The following KCNIP1 variants were observed in gnomAD, a reference collection of about 807,000 sequenced individuals.
The protein encoded by KCNIP1 is A-type potassium channel modulatory protein KCNIP1.
Under a neutral mutation model 33.0 loss-of-function variants are expected in KCNIP1, and 18 were observed. The observed-to-expected ratio is 0.55, with a 90% CI of 0.38 to 0.81. The LOEUF is 0.81. KCNIP1 is among the 30% of genes least tolerant of loss of function. The probability of loss-of-function intolerance (pLI) is 0.00; values close to 1 mark genes in which losing one functional copy is unlikely to be tolerated. For missense variants in KCNIP1, 238 were observed against 271.6 expected, an observed-to-expected ratio of 0.88 and a Z score of 0.87; for synonymous variants, 93 against 98.3, an observed-to-expected ratio of 0.95 and a Z score of 0.32.
intron 1 of KCNIP1, among the ~76,000 whole-genome samples, chr5:170,624,371 A>G (rs1371300082): frequency 3.9e-5 from 6 of 152,090 alleles, no homozygotes; most frequent in African/African-American, 1.4e-4. Flanking sequence ...ATGAATTAAC[A>G]ACTAAGTGAA....
chr5:170,363,641 G>A (rs986560938), intron 1 of KCNIP1, among the ~76,000 whole-genome samples: 15 of 151,974 alleles, frequency 9.9e-5, no homozygotes, highest in African/African-American at 3.6e-4. Flanking sequence ...AGCCCAAGCA[G>A]ACTAATACAG....
chr5:170,696,016 C>CAA lies in KCNIP1; in HGVS notation c.62-22727_62-22726dup, dbSNP rs34474795. 4.2e-4 allele frequency among the ~76,000 whole-genome samples: 39 copies of CAA among 93,922 alleles called. 1 individual carries two copies. The highest frequency in any genetic ancestry group is 7.7e-4 in the South Asian group (2 of 2,602). 61.6% of individuals were successfully genotyped at this position (93,922 alleles called of 152,430 possible). On this transcript the variant is annotated intron_variant, in intron 1 of 7. Coordinates refer to ENST00000328939, the MANE Select transcript of KCNIP1 (RefSeq NM_014592.4). ...CCTGGGACAGAGCAAGACTCTGTCT[C>CAA]AAAAAAAAAAAAAAAAGCCAGGCTT...
intron 1 of KCNIP1, among the ~76,000 whole-genome samples, chr5:170,574,331 A>G (rs1361952986): frequency 6.6e-6 from 1 of 152,262 alleles, no homozygotes; most frequent in African/African-American, 2.4e-5. Flanking sequence ...CACTTGTAAC[A>G]CTAAGCATTA....
intron 1 of KCNIP1, among the ~76,000 whole-genome samples, chr5:170,717,769 A>G (rs1428014179): frequency 6.6e-6 from 1 of 152,210 alleles, no homozygotes; most frequent in Non-Finnish European, 1.5e-5. Context: ...TGGTCTGTGC[A>G]TATTCCCAGC....
At chr5:170,530,154 G>A (rs1755734153) in intron 1 of KCNIP1, among the ~76,000 whole-genome samples, 1 of 152,122 alleles carries the variant, frequency 6.6e-6, no homozygotes, top group African/African-American at 2.4e-5. Context: ...ACACTGCCTG[G>A]CACAGAGTAG....
intron 1 of KCNIP1, among the ~76,000 whole-genome samples, chr5:170,606,129 G>T (rs1209227592): frequency 3.9e-5 from 6 of 152,180 alleles, no homozygotes; most frequent in African/African-American, 1.4e-4. Flanking sequence ...ATACCACACG[G>T]TTTTGTTTAT....
intron 1 of KCNIP1, among the ~76,000 whole-genome samples, chr5:170,550,896 G>C (rs182782866): frequency 2.0e-5 from 3 of 152,308 alleles, no homozygotes; most frequent in African/African-American, 7.2e-5. Flanking sequence ...AGAACTGTGA[G>C]TCTACTTCAT....
intron 1 of KCNIP1, among the ~76,000 whole-genome samples, chr5:170,466,358 G>C (rs536071699): frequency 6.6e-6 from 1 of 152,202 alleles, no homozygotes; most frequent in Non-Finnish European, 1.5e-5. Flanking sequence ...ATGTGGATAC[G>C]TAGGTTTGGG....
At chr5:170,407,934 A>G (rs1755079398) in intron 1 of KCNIP1, among the ~76,000 whole-genome samples, 2 of 152,238 alleles carry the variant, frequency 1.3e-5, no homozygotes, top group Admixed American at 1.3e-4. Flanking sequence ...CTCAAAAAGC[A>G]TGGGCTTTGT....
At chr5:170,584,681 A>G (rs73801074) in intron 1 of KCNIP1, among the ~76,000 whole-genome samples, 25,523 of 151,890 alleles carry the variant, frequency 0.17, 2,303 homozygotes, top group African/African-American at 0.25. Flanking sequence ...TGGAGGGACA[A>G]CTCCGGGGAC....
chr5:170,397,046 A>C (rs911937304), intron 1 of KCNIP1, among the ~76,000 whole-genome samples: 1 of 152,252 alleles, frequency 6.6e-6, no homozygotes, highest in Non-Finnish European at 1.5e-5. Context: ...TTATTACTAC[A>C]AAGAGTCTGT....
chr5:170,720,491 A>T, intron 3 of KCNIP1, 101 bp downstream of exon 3: 1 of 921,384 alleles, frequency 1.1e-6, no homozygotes. Flanking sequence ...TTCCTTCTCG[A>T]GGAAGAGACA....
Position 170,571,187 on chromosome 5 carries a change from C to A in KCNIP1, c.61+66554C>A, listed in dbSNP as rs576975010. On this transcript the variant is annotated intron_variant, in intron 1 of 7. Coordinates refer to ENST00000328939, the MANE Select transcript of KCNIP1 (RefSeq NM_014592.4). ...TCACTCACTTTCCTCCCTCTTCCCC[C>A]ACATTGTCTTTTGGACTCTGGTTGA... Among the ~76,000 whole-genome samples, 199 of 152,358 alleles carry A rather than the reference C, an allele frequency of 1.3e-3. 1 individual carries two copies. The highest frequency in any genetic ancestry group is 4.7e-3 in the African/African-American group (196 of 41,586).
At chr5:170,693,632 C>A (rs1349358061) in intron 1 of KCNIP1, among the ~76,000 whole-genome samples, 1 of 152,232 alleles carries the variant, frequency 6.6e-6, no homozygotes, top group Non-Finnish European at 1.5e-5. Flanking sequence ...ACGGAAGACC[C>A]TCCATCAACA....
chr5:170,504,188 CG>C lies in KCNIP1; in HGVS notation c.-383del. On this transcript the variant is annotated 5_prime_UTR_variant, in exon 1 of 8. An upstream open reading frame in the 5' UTR loses its in-frame stop. Coordinates refer to ENST00000328939, the MANE Select transcript of KCNIP1 (RefSeq NM_014592.4). The surrounding 1 kb of genome is among the most constrained non-coding windows in gnomAD (Gnocchi z 6.0). Reference sequence around the variant, plus strand: ...GTGTGCGGCAGGAGGGGCGGGCGGACGGCGGCTCCCGCACCGCACGCGGCGC... The same window carrying C: ...GTGTGCGGCAGGAGGGGCGGGCGGACGCGGCTCCCGCACCGCACGCGGCGC... 1 of 1,021,152 alleles carries C rather than the reference CG, an allele frequency of 9.8e-7. No individual in the cohort carries two copies. The highest frequency in any genetic ancestry group is 1.2e-6 in the Non-Finnish European group (1 of 854,124). 63.3% of individuals were successfully genotyped at this position (1,021,152 alleles called of 1,614,324 possible).
At chr5:170,433,218 G>A (rs935639902) in intron 1 of KCNIP1, among the ~76,000 whole-genome samples, 8 of 151,972 alleles carry the variant, frequency 5.3e-5, no homozygotes, top group South Asian at 2.1e-4. Context: ...ATGGAGTCTC[G>A]CTCTGTCACC....
chr5:170,458,929 G>C (rs1305944477), intron 1 of KCNIP1, among the ~76,000 whole-genome samples: 1 of 152,096 alleles, frequency 6.6e-6, no homozygotes, highest in African/African-American at 2.4e-5. Flanking sequence ...GAATGGCTAA[G>C]AATTCACCAA....
intron 1 of KCNIP1, among the ~76,000 whole-genome samples, chr5:170,605,893 G>C (rs1394972333): frequency 6.7e-6 from 1 of 150,070 alleles, no homozygotes; most frequent in African/African-American, 2.5e-5. Flanking sequence ...TCCTGCCTCA[G>C]CCTCCCATGT....
chr5:170,551,705 G>A (rs904247614), intron 1 of KCNIP1, among the ~76,000 whole-genome samples: 5 of 151,690 alleles, frequency 3.3e-5, no homozygotes, highest in African/African-American at 7.3e-5. Flanking sequence ...TATGTGTGGC[G>A]TGTGACTGTG....
Sources: allele counts gnomAD v4.1 joint callset (sites outside exome capture counted in the v4.1 genomes callset), GRCh38; gene constraint gnomAD v4.1.1; non-coding constraint Gnocchi (gnomAD v3.1); transcripts MANE v1.5; gene names NCBI Gene and HGNC (gene_info 2026-07-23, HGNC 2026-07-21).